Variants in SH3GL3 observed in about 807,000 individuals in gnomAD.
The protein encoded by SH3GL3 is SH3 domain containing GRB2 like 3, endophilin A3.
SH3GL3 carries 33 observed loss-of-function variants against 47.7 expected under a neutral mutation model. The observed-to-expected ratio is 0.69, with a 90% confidence interval of 0.52 to 0.92. The LOEUF (loss-of-function observed/expected upper bound fraction) is 0.92, where lower values mean the gene tolerates loss of function less well. Ranked by LOEUF, SH3GL3 falls within the 40% of genes least tolerant of loss-of-function variation. The pLI is 0.00. For synonymous variants in SH3GL3, 155 were observed against 148.8 expected, an observed-to-expected ratio of 1.04 and a Z score of -0.30; for missense variants, 363 against 417.8, an observed-to-expected ratio of 0.87 and a Z score of 1.14.
chr15:83,511,921 GT>G (rs1189668629), intron 1 of SH3GL3, among the ~76,000 whole-genome samples: 2 of 152,178 alleles, frequency 1.3e-5, no homozygotes. Context: ...TAAGAGGGGA[GT>G]TTGACACTTG....
intron 1 of SH3GL3, among the ~76,000 whole-genome samples, chr15:83,557,449 C>G (rs954254344): frequency 6.6e-6 from 1 of 152,218 alleles, no homozygotes; most frequent in African/African-American, 2.4e-5. Flanking sequence ...AGTAAGGATT[C>G]TTGTTCAGTG....
Position 83,616,396 on chromosome 15 carries a change from GGTGCCC to G in SH3GL3, c.839-1684_839-1679del, listed in dbSNP as rs574138822. 9.2e-5 allele frequency among the ~76,000 whole-genome samples: 14 copies of G among 151,994 alleles called. No individual in the cohort carries two copies. The South Asian group carries it at 2.9e-3, about 32-fold the overall frequency. ...GCCTCTCCAAGTAGCTGGGACTACA[GGTGCCC>G]GCCACCACGCCCGGCTAATTTTTTT... On this transcript the variant is annotated intron_variant, in intron 8 of 8. Transcript: ENST00000427482.
At chr15:83,478,959 A>G (rs1477749738) in intron 1 of SH3GL3, among the ~76,000 whole-genome samples, 1 of 152,236 alleles carries the variant, frequency 6.6e-6, no homozygotes, top group Non-Finnish European at 1.5e-5. Flanking sequence ...CTTATAAACC[A>G]ACTGCCTTTA....
chr15:83,512,725 T>A (rs2042817454), intron 1 of SH3GL3, among the ~76,000 whole-genome samples: 1 of 151,884 alleles, frequency 6.6e-6, no homozygotes, highest in African/African-American at 2.4e-5. Context: ...CTCCATCCCC[T>A]CCAAGACTCT....
intron 1 of SH3GL3, among the ~76,000 whole-genome samples, chr15:83,488,472 T>C (rs547001701): frequency 2.6e-5 from 4 of 152,346 alleles, no homozygotes; most frequent in Admixed American, 2.6e-4. Flanking sequence ...GAGGCTTTTG[T>C]GGAGGAGCAG....
At chr15:83,568,503 G>A (rs1566995152) in intron 3 of SH3GL3, 26 bp from the exon 4 acceptor site, 1 of 1,598,896 alleles carries the variant, frequency 6.3e-7, no homozygotes, top group Non-Finnish European at 8.6e-7. Flanking sequence ...TAACTTTAAA[G>A]AATTACAAAT....
intron 8 of SH3GL3, among the ~76,000 whole-genome samples, chr15:83,615,473 C>T (rs1426260831): frequency 1.3e-5 from 2 of 152,114 alleles, no homozygotes; most frequent in Admixed American, 6.6e-5. Flanking sequence ...CGCTACCATG[C>T]CTGGCTAACT....
At chr15:83,567,049 C>G (rs2045582485) in intron 3 of SH3GL3, among the ~76,000 whole-genome samples, 1 of 152,170 alleles carries the variant, frequency 6.6e-6, no homozygotes, top group African/African-American at 2.4e-5. Context: ...CTAAAAGTAT[C>G]TCAAATACCA....
chr15:83,549,131 A>G (rs1008442727), intron 1 of SH3GL3, among the ~76,000 whole-genome samples: 1 of 152,162 alleles, frequency 6.6e-6, no homozygotes, highest in African/African-American at 2.4e-5. Context: ...ATGTATTCCA[A>G]TTTTTGATAA....
chr15:83,556,732 A>G (rs74821540), intron 1 of SH3GL3, among the ~76,000 whole-genome samples: 1,912 of 149,544 alleles, frequency 0.013, 24 homozygotes, highest in Middle Eastern at 0.041. Context: ...GACTTAAGAC[A>G]AAAAAAAAAG....
At chr15:83,534,145 GGA>G (rs928263147) in intron 1 of SH3GL3, among the ~76,000 whole-genome samples, 11 of 152,264 alleles carry the variant, frequency 7.2e-5, no homozygotes, top group Admixed American at 5.2e-4. Context: ...TCCCGTGAAT[GGA>G]GAGAGTTTGG....
chr15:83,460,680 A>G (rs1223286497), intron 1 of SH3GL3, among the ~76,000 whole-genome samples: 1 of 152,216 alleles, frequency 6.6e-6, no homozygotes. Context: ...TTAAAAAATT[A>G]TATGTGTGCG....
At chr15:83,565,110 C>CT (rs1566991460) in intron 2 of SH3GL3, 24 bp from the exon 3 acceptor site, 1 of 1,136,352 alleles carries the variant, frequency 8.8e-7, no homozygotes, top group Admixed American at 2.0e-5. Context: ...CATTTACTAA[C>CT]TTTTTTTAAA....
At chr15:83,497,689 A>G (rs1037707961) in intron 1 of SH3GL3, among the ~76,000 whole-genome samples, 1 of 151,968 alleles carries the variant, frequency 6.6e-6, no homozygotes, top group African/African-American at 2.4e-5. Context: ...ATCTCTACCC[A>G]CTGCTTTCAC....
chr15:83,521,269 C>T (rs2043189454), intron 1 of SH3GL3, among the ~76,000 whole-genome samples: 1 of 152,186 alleles, frequency 6.6e-6, no homozygotes, highest in Non-Finnish European at 1.5e-5. Context: ...AGTTAGGATA[C>T]AGGAACCGTG....
At chr15:83,584,936 T>C (rs2059919758) in intron 6 of SH3GL3, among the ~76,000 whole-genome samples, 1 of 152,206 alleles carries the variant, frequency 6.6e-6, no homozygotes, top group Admixed American at 6.5e-5. Context: ...GTTTGTTGCT[T>C]TATCTTGGTT....
chr15:83,541,533 AT>A (rs2044169049), intron 1 of SH3GL3, among the ~76,000 whole-genome samples: 2 of 151,574 alleles, frequency 1.3e-5, no homozygotes, highest in Admixed American at 6.6e-5. Flanking sequence ...CGGTAATTCT[AT>A]TTTTTGAGGA....
intron 8 of SH3GL3, among the ~76,000 whole-genome samples, chr15:83,599,424 A>C (rs564592615): frequency 1.3e-5 from 2 of 152,268 alleles, no homozygotes; most frequent in East Asian, 3.9e-4. Flanking sequence ...CTTAGCTCCC[A>C]CTTATGGGTG....
intron 1 of SH3GL3, among the ~76,000 whole-genome samples, chr15:83,534,760 A>G (rs2043831880): frequency 6.6e-6 from 1 of 152,210 alleles, no homozygotes; most frequent in Non-Finnish European, 1.5e-5. Context: ...AGTATTGAGG[A>G]AGGAATAGAA....
Sources: gnomAD v4.1 joint callset for allele counts (sites outside exome capture counted in the v4.1 genomes callset) on GRCh38, gnomAD v4.1.1 for gene constraint, MANE v1.5 for transcripts, NCBI Gene and HGNC (gene_info 2026-07-23, HGNC 2026-07-21) for gene names.